The following FARSA variants were observed in gnomAD, a reference collection of about 807,000 sequenced individuals.
FARSA encodes the protein phenylalanine--tRNA ligase alpha subunit.
Under a neutral mutation model 63.2 loss-of-function variants are expected in FARSA, and 37 were observed. The ratio of observed to expected loss-of-function variants is 0.59; its 90% CI spans 0.45 to 0.77. The LOEUF is 0.77. Ranked by LOEUF, FARSA falls within the 30% of genes least tolerant of loss-of-function variation. The pLI is 0.00. For missense variants in FARSA, 618 were observed against 696.6 expected (o/e 0.89, Z 1.27); for synonymous variants, 312 against 285.1 (o/e 1.09, Z -0.95).
In FARSA at chr19:12,924,615, G is replaced by GCCCACC. The variant is rs756727371; in HGVS notation, c.1195+18_1195+23dup. 1 of 1,610,052 alleles carries GCCCACC rather than the reference G, an allele frequency of 6.2e-7. No individual in the cohort carries two copies. The highest frequency in any genetic ancestry group is 1.3e-5 in the African/African-American group (1 of 74,898). ...ACCTGCCCGCTGCCTCACCACCATG[G>GCCCACC]CCCACCCCTGCCCCCCTGCTCACCC... On this transcript the variant is annotated intron_variant, in intron 10 of 12. Transcript: ENST00000314606. The surrounding 1 kb of genome is among the most constrained non-coding windows in gnomAD (Gnocchi z 6.4).
chr19:12,927,286 G>A (rs561914884), intron 7 of FARSA, among the ~76,000 whole-genome samples: 31 of 152,274 alleles, frequency 2.0e-4, no homozygotes, highest in African/African-American at 1.4e-4. Flanking sequence ...AGGTGTGCAC[G>A]GCCTGGAATG....
rs536071521 is a variant in FARSA, at chr19:12,924,033, C to T, written c.1388+118G>A. The T allele has an allele frequency of 3.3e-5, 25 of 760,968 alleles. No homozygotes were observed. Among genetic ancestry groups the T allele is most frequent in the South Asian group, 2.3e-4 (15 of 66,044 alleles). 47.1% of individuals were successfully genotyped at this position (760,968 alleles called of 1,614,324 possible). ...GGGCTGAGCATTCAGTTTGTACTCA[C>T]GATGAAAGTTTTGTCCATTGGATGA... On this transcript the variant is annotated intron_variant, in intron 12 of 12. Transcript: ENST00000314606. This position sits in a 1 kb window ranked among gnomAD's most constrained non-coding sequence, Gnocchi z 6.4.
chr19:12,930,373 G>A, intron 3 of FARSA, 32 bp from the exon 4 acceptor site: 1 of 1,613,274 alleles, frequency 6.2e-7, no homozygotes, highest in Non-Finnish European at 8.5e-7. Context: ...GGGGTATGAG[G>A]GCCAGGGGCC....
At position 12,930,471 on chromosome 19, in the gene FARSA, C is replaced by T. The variant is rs2146000325; in HGVS notation, c.342G>A (p.Arg114=). The change falls in exon 3 of 13, where the codon CGG becomes CGA. Residue 114 remains arginine, a synonymous_variant. Coordinates refer to ENST00000314606, the MANE Select transcript of FARSA (RefSeq NM_004461.3). ...FSKAMSNKWI[R]VDKSAADGPR... ...GCCCGTCAGCCGCACTCTTGTCCAC[C>T]CGAATCCACTTGTTGGACATGGCCT... The T allele has an allele frequency of 6.2e-7, 1 of 1,614,220 alleles. No homozygotes were observed. Among genetic ancestry groups the T allele is most frequent in the African/African-American group, 1.3e-5 (1 of 75,084 alleles).
Position 12,928,470 on chromosome 19 carries a change from A to G in FARSA, c.726-13T>C, listed in dbSNP as rs2293683. ...CATCTCGGTGAACCTGGTGGGAGAC[A>G]CAGCCTGACTGCCCTGCCTGTACCC... is the stretch of plus-strand genomic sequence containing the variant. On this transcript the variant is annotated splice_polypyrimidine_tract_variant and intron_variant, in intron 6 of 12. Coordinates refer to ENST00000314606, the MANE Select transcript of FARSA (RefSeq NM_004461.3). 0.65 allele frequency: 1,042,073 copies of G among 1,613,602 alleles called. 339,392 individuals are homozygous for G. The highest frequency in any genetic ancestry group is 0.84 in the East Asian group (37,505 of 44,846).
chr19:12,933,088 G>A lies in FARSA; in HGVS notation c.147+462C>T, dbSNP rs546063077. ...TACAGCTATGCTGGTCTCCCTTGCC[G>A]CCTGCCATCCCCCAAGATCCCGGCC... is the stretch of plus-strand genomic sequence containing the variant. On this transcript the variant is annotated intron_variant, in intron 1 of 12. Transcript: ENST00000314606. 49 of 170,546 alleles carry A rather than the reference G, an allele frequency of 2.9e-4. 1 individual carries two copies. The South Asian group carries it at 5.1e-3, about 18-fold the overall frequency. 10.6% of individuals were successfully genotyped at this position (170,546 alleles called of 1,614,324 possible). A position where few individuals can be genotyped will look rare whatever the true frequency, so the allele number is the denominator to read the frequency against.
chr19:12,931,089 AT>A (rs1971389376), intron 1 of FARSA, among the ~76,000 whole-genome samples: 1 of 151,964 alleles, frequency 6.6e-6, no homozygotes, highest in Non-Finnish European at 1.5e-5. Flanking sequence ...ATGTCTCCAC[AT>A]TTTTTTGTTT....
intron 1 of FARSA, among the ~76,000 whole-genome samples, chr19:12,932,056 T>TG: frequency 6.7e-6 from 1 of 150,280 alleles, no homozygotes; most frequent in East Asian, 1.9e-4. Flanking sequence ...TTTTTTTTTT[T>TG]GAGACGGAGT....
intron 7 of FARSA, among the ~76,000 whole-genome samples, chr19:12,927,502 G>A (rs2145996953): frequency 6.6e-6 from 1 of 152,224 alleles, no homozygotes; most frequent in Admixed American, 6.5e-5. Flanking sequence ...GGAGGCTGAG[G>A]CGGGAGTATC....
intron 1 of FARSA, among the ~76,000 whole-genome samples, chr19:12,932,037 T>A (rs1339674365): frequency 5.6e-5 from 2 of 35,538 alleles, no homozygotes; most frequent in Non-Finnish European, 9.5e-5. Context: ...ACTGCATAAA[T>A]TTTTTTTTTT....
At chr19:12,930,151 C>G in intron 4 of FARSA, 72 bp downstream of exon 4, 1 of 1,214,200 alleles carries the variant, frequency 8.2e-7, no homozygotes, top group Non-Finnish European at 1.2e-6. Context: ...GGCAAGATGT[C>G]TCCCTCCCAC....
In FARSA at chr19:12,925,250, C is replaced by A. The variant is rs1971314097; in HGVS notation, c.842-76G>T. The A allele has an allele frequency of 3.1e-6, 4 of 1,282,354 alleles. No homozygotes were observed. The South Asian group carries it at 5.2e-5, about 17-fold the overall frequency. The allele number at this position is 1,282,354 out of a possible 1,614,324, so 79.4% of individuals were successfully genotyped here. A position where few individuals can be genotyped will look rare whatever the true frequency, so the allele number is the denominator to read the frequency against. On this transcript the variant is annotated intron_variant, in intron 7 of 12. Coordinates refer to ENST00000314606, the MANE Select transcript of FARSA (RefSeq NM_004461.3). ...TTTTTTTTTTTCAGACAGGGTCTCA[C>A]TGTTGTCCAGGCTGGAGTGCGGTGG...
At chr19:12,930,573 A>C in intron 2 of FARSA, 39 bp downstream of exon 2, 1 of 1,608,338 alleles carries the variant, frequency 6.2e-7, no homozygotes, top group Non-Finnish European at 8.5e-7. Flanking sequence ...GGCCACCTTC[A>C]TCCCATCACT....
Position 12,928,573 on chromosome 19 carries a change from C to T in FARSA, c.687G>A (p.Lys229=). ...AGATCTGTCGGAACTGGGAGCGGAC[C>T]TTGAGCAGCGGGTGAAGGTGGCCGC... The part of the protein sequence containing the change: ...PDSGHLHPLL[K]VRSQFRQIFL... The change falls in exon 6 of 13, where the codon AAG becomes AAA. Residue 229 remains lysine (K), a synonymous_variant. Transcript: ENST00000314606. 6.2e-7 allele frequency: 1 copy of T among 1,613,910 alleles called. No individual in the cohort carries two copies. The highest frequency in any genetic ancestry group is 1.7e-5 in the Admixed American group (1 of 59,994).
rs377087688 is a variant in FARSA at position 12,924,071 on chromosome 19, T to C, written c.1388+80A>G. 3.8e-6 allele frequency: 4 copies of C among 1,064,380 alleles called. No individual in the cohort carries two copies. Among genetic ancestry groups the C allele is most frequent in the South Asian group, 1.3e-5 (1 of 79,886 alleles). The allele number at this position is 1,064,380 out of a possible 1,614,324, so 65.9% of individuals were successfully genotyped here. A position where few individuals can be genotyped will look rare whatever the true frequency, so the allele number is the denominator to read the frequency against. On this transcript the variant is annotated intron_variant, in intron 12 of 12. Coordinates refer to ENST00000314606, the MANE Select transcript of FARSA (RefSeq NM_004461.3). This position sits in a 1 kb window ranked among gnomAD's most constrained non-coding sequence, Gnocchi z 6.4. ...GTCCATTGGATGAATGAATGGGTGGTGCTGAAACCACGCAGGCCCCTATAC... is the reference window on the plus strand; with the variant it reads ...GTCCATTGGATGAATGAATGGGTGGCGCTGAAACCACGCAGGCCCCTATAC...
chr19:12,927,383 G>A (rs1270916395), intron 7 of FARSA, among the ~76,000 whole-genome samples: 2 of 151,890 alleles, frequency 1.3e-5, no homozygotes, highest in Non-Finnish European at 2.9e-5. Flanking sequence ...AACTGTTTGA[G>A]ATCAGGAGTT....
intron 7 of FARSA, among the ~76,000 whole-genome samples, chr19:12,926,276 A>ATT (rs757037221): frequency 2.3e-5 from 2 of 88,720 alleles, no homozygotes; most frequent in African/African-American, 8.8e-5. Context: ...AAGGGACAAA[A>ATT]TTTTTTTTTT....
intron 4 of FARSA, among the ~76,000 whole-genome samples, chr19:12,929,693 T>G (rs1453502733): frequency 6.6e-6 from 1 of 152,132 alleles, no homozygotes; most frequent in Non-Finnish European, 1.5e-5. Context: ...TTGGCCAAGG[T>G]CATAAAACTA....
In FARSA at chr19:12,928,747, C is replaced by T; in HGVS notation, c.596+8G>A. ...CCCACCTGCCCTGACCCTGGGGTTG[C>T]CTGCTACCTGGAGATCATCTCTGGG... On this transcript the variant is annotated splice_region_variant and intron_variant, in intron 5 of 12. Coordinates refer to ENST00000314606, the MANE Select transcript of FARSA (RefSeq NM_004461.3). 5 of 1,614,036 alleles carry T rather than the reference C, an allele frequency of 3.1e-6. No homozygotes were observed. The highest frequency in any genetic ancestry group is 4.2e-6 in the Non-Finnish European group (5 of 1,179,976).
Sources: gnomAD v4.1 joint callset for allele counts (sites outside exome capture counted in the v4.1 genomes callset) on GRCh38, gnomAD v4.1.1 for gene constraint, Gnocchi (gnomAD v3.1) non-coding constraint, MANE v1.5 for transcripts, NCBI Gene and HGNC (gene_info 2026-07-23, HGNC 2026-07-21) for gene names.